Variants in TP53AIP1 observed in about 807,000 individuals in gnomAD.
The protein encoded by TP53AIP1 is tumor protein p53 regulated apoptosis inducing protein 1.
In TP53AIP1, 14 loss-of-function variants were observed where a neutral mutation model predicts 9.5. That is an observed-to-expected ratio of 1.47 (90% CI 0.97 to 2.30). TP53AIP1 has a LOEUF of 2.30. Among genes scored for constraint, TP53AIP1 ranks in the 30% most tolerant of loss-of-function variants. The pLI, the probability that TP53AIP1 is intolerant of heterozygous loss-of-function variation, is 0.00. For missense variants in TP53AIP1, 153 were observed against 146.7 expected, an observed-to-expected ratio of 1.04 and a Z score of -0.22; for synonymous variants, 73 against 61.2, an observed-to-expected ratio of 1.19 and a Z score of -0.90.
rs1402173999 is a variant in TP53AIP1 at position 128,937,088 on chromosome 11, G to A, written c.142-439C>T. 1.1e-5 allele frequency: 11 copies of A among 1,041,666 alleles called. No homozygotes were observed. The highest frequency in any genetic ancestry group is 1.7e-5 in the African/African-American group (1 of 59,078). 64.5% of individuals were successfully genotyped at this position (1,041,666 alleles called of 1,614,324 possible). A position where few individuals can be genotyped will look rare whatever the true frequency, so the allele number is the denominator to read the frequency against. ...CCAGGCCTGGCCTGTGTCTGCTTCC[G>A]GAGCCATGCGCTGCCTGTGCTGGGA... On this transcript the variant is annotated intron_variant, in intron 2 of 3. Transcript: ENST00000531399. The surrounding 1 kb of genome is among the most constrained non-coding windows in gnomAD (Gnocchi z 4.8).
intron 1 of TP53AIP1, among the ~76,000 whole-genome samples, chr11:128,941,642 C>T (rs980943255): frequency 1.7e-4 from 26 of 152,364 alleles, no homozygotes; most frequent in African/African-American, 6.3e-4. Context: ...GCCCCGGCTG[C>T]TGGGGGGACA....
chr11:128,940,780 C>G (rs141996284), intron 1 of TP53AIP1, among the ~76,000 whole-genome samples: 3 of 152,360 alleles, frequency 2.0e-5, no homozygotes, highest in Middle Eastern at 3.4e-3. Flanking sequence ...ACGGCGGCCA[C>G]GCTGGGTGCC....
At chr11:128,941,496 A>T (rs1944941239) in intron 1 of TP53AIP1, among the ~76,000 whole-genome samples, 1 of 152,160 alleles carries the variant, frequency 6.6e-6, no homozygotes, top group Non-Finnish European at 1.5e-5. Context: ...TCAGCCCCCA[A>T]CGCACCTTTC....
chr11:128,935,695 A>G lies in TP53AIP1; in HGVS notation c.271T>C (p.Ser91Pro), dbSNP rs755130715. 3.9e-5 allele frequency: 62 copies of G among 1,580,040 alleles called. No homozygotes were observed. The South Asian group carries it at 6.1e-4, about 15-fold the overall frequency. Residue 91 changes from serine to proline, a missense_variant, in exon 4 of 4, where the codon TCC (serine) becomes CCC (proline). Ser to Pro is a moderately conservative substitution (Grantham distance 74). Transcript: ENST00000531399. The part of the protein sequence containing the change: ...WILTGLGLGL[S>P]RPFLPGATVL... Reference sequence around the variant, plus strand: ...GTGGCTCCAGGAAGGAAAGGCCTGGAGAGACCTAGACCAAGGCCTCAGTAG... The same window carrying G: ...GTGGCTCCAGGAAGGAAAGGCCTGGGGAGACCTAGACCAAGGCCTCAGTAG...
At chr11:128,935,291 T>G, downstream of TP53AIP1, 1 of 1,425,322 alleles carries the variant, frequency 7.0e-7, no homozygotes, top group Non-Finnish European at 9.1e-7. Context: ...TACTTTTCCT[T>G]GCAGAGTTTT....
Position 128,935,501 on chromosome 11 carries a change from G to C in TP53AIP1, c.*90C>G, listed in dbSNP as rs1052252521. 5.5e-6 allele frequency: 8 copies of C among 1,450,578 alleles called. No individual in the cohort carries two copies. The East Asian group carries it at 1.3e-4, about 24-fold the overall frequency. 89.9% of individuals were successfully genotyped at this position (1,450,578 alleles called of 1,614,324 possible). A position where few individuals can be genotyped will look rare whatever the true frequency, so the allele number is the denominator to read the frequency against. ...CTAGTCAGCGCTGGAGCCATTTCTC[G>C]ACGGTGCTTTCTGTTTGTTTGTTTG... On this transcript the variant is annotated 3_prime_UTR_variant, in exon 4 of 4. Coordinates refer to ENST00000531399, the MANE Select transcript of TP53AIP1 (RefSeq NM_022112.3).
Position 128,935,599 on chromosome 11 carries a change from A to G in TP53AIP1, c.367T>C (p.Leu123=), listed in dbSNP as rs1944802542. The G allele has an allele frequency of 1.3e-6, 2 of 1,570,450 alleles. No individual in the cohort carries two copies. The highest frequency in any genetic ancestry group is 2.3e-5 in the East Asian group (1 of 43,810). Residue 123 remains leucine, a synonymous_variant, in exon 4 of 4, where the codon TTG becomes CTG. Coordinates refer to ENST00000531399, the MANE Select transcript of TP53AIP1 (RefSeq NM_022112.3). The stretch of plus-strand genomic sequence containing the variant: ...AGTGGCGTGATCTCGGCTCACTGCA[A>G]CCTCAACGGTGCTTTTTTCTGATCA... ...SYDQKKAPLR[L]Q
At position 128,937,517 on chromosome 11, in the gene TP53AIP1, C is replaced by T. The variant is rs1944851067; in HGVS notation, c.141+161G>A. 1.2e-6 allele frequency: 2 copies of T among 1,607,792 alleles called. No individual in the cohort carries two copies. Among genetic ancestry groups the T allele is most frequent in the Non-Finnish European group, 1.7e-6 (2 of 1,176,136 alleles). ...TCAGTTCCCAGCTCTGTCCAATGCT[C>T]TGAACTGGGGACAGTCCGCATGCAG... On this transcript the variant is annotated intron_variant, in intron 2 of 3. Transcript: ENST00000531399. The surrounding 1 kb of genome is among the most constrained non-coding windows in gnomAD (Gnocchi z 4.8).
chr11:128,935,080 C>T (rs149959786), downstream of TP53AIP1: 784 of 705,320 alleles, frequency 1.1e-3, 3 homozygotes, highest in Non-Finnish European at 1.8e-3. Flanking sequence ...CTATCAATGC[C>T]GGGGCTTGTG....
chr11:128,935,344 A>G (rs1944791301), downstream of TP53AIP1: 41 of 1,417,028 alleles, frequency 2.9e-5, 1 homozygote, highest in South Asian at 6.3e-4. Context: ...TGGATATTAT[A>G]GATTGGAATG....
At chr11:128,940,340 A>G (rs1371675738) in intron 1 of TP53AIP1, among the ~76,000 whole-genome samples, 1 of 152,204 alleles carries the variant, frequency 6.6e-6, no homozygotes, top group African/African-American at 2.4e-5. Context: ...TCTCAGGCAG[A>G]AGCAGCCTTA....
intron 2 of TP53AIP1, chr11:128,936,970 C>T: frequency 8.9e-7 from 1 of 1,125,232 alleles, no homozygotes; most frequent in East Asian, 6.0e-5. Flanking sequence ...CACCTGGGCC[C>T]TGCACCTCAG....
chr11:128,937,265 C>G lies in TP53AIP1; in HGVS notation c.141+413G>C. The G allele has an allele frequency of 7.7e-7, 1 of 1,303,056 alleles. No homozygotes were observed. The highest frequency in any genetic ancestry group is 9.7e-7 in the Non-Finnish European group (1 of 1,027,680). The allele number at this position is 1,303,056 out of a possible 1,614,324, so 80.7% of individuals were successfully genotyped here. A position where few individuals can be genotyped will look rare whatever the true frequency, so the allele number is the denominator to read the frequency against. On this transcript the variant is annotated intron_variant, in intron 2 of 3. Coordinates refer to ENST00000531399, the MANE Select transcript of TP53AIP1 (RefSeq NM_022112.3). The surrounding 1 kb of genome is among the most constrained non-coding windows in gnomAD (Gnocchi z 4.8). ...GGACAAAAGCAGGATCCGGGGTGGA[C>G]GCAGAAGAGCAGGCCCGGAGCCCTG... is the stretch of plus-strand genomic sequence containing the variant.
chr11:128,935,794 G>T lies in TP53AIP1; in HGVS notation c.254-82C>A, dbSNP rs542556537. ...TACCAAATATCATGTTACAGACCAGGGATAAAAACAACAATAATGAATTTC... is the reference window on the plus strand; with the variant it reads ...TACCAAATATCATGTTACAGACCAGTGATAAAAACAACAATAATGAATTTC... On this transcript the variant is annotated intron_variant, in intron 3 of 3. Transcript: ENST00000531399. 5 of 1,392,080 alleles carry T rather than the reference G, an allele frequency of 3.6e-6. No homozygotes were observed. The African/African-American group carries it at 7.3e-5, about 20-fold the overall frequency. 86.2% of individuals were successfully genotyped at this position (1,392,080 alleles called of 1,614,324 possible). A position where few individuals can be genotyped will look rare whatever the true frequency, so the allele number is the denominator to read the frequency against.
chr11:128,935,116 T>G, downstream of TP53AIP1: 1 of 713,078 alleles, frequency 1.4e-6, no homozygotes, highest in South Asian at 1.5e-5. Flanking sequence ...CAGGAATGAC[T>G]GTCCACTGCA....
chr11:128,937,454 A>C lies in TP53AIP1; in HGVS notation c.141+224T>G, dbSNP rs368620863. Reference sequence around the variant, plus strand: ...GAAACCCAGGATTCCGAGGAGGAGGAGGGCTGGCCTTCCTCTTGGGACTAT... The same window carrying C: ...GAAACCCAGGATTCCGAGGAGGAGGCGGGCTGGCCTTCCTCTTGGGACTAT... On this transcript the variant is annotated intron_variant, in intron 2 of 3. Transcript: ENST00000531399. This position sits in a 1 kb window ranked among gnomAD's most constrained non-coding sequence, Gnocchi z 4.8. The C allele has an allele frequency of 1.0e-4, 151 of 1,501,476 alleles. No individual in the cohort carries two copies. In the African/African-American group the frequency reaches 2.0e-3, roughly 20 times the overall value. 93.0% of individuals were successfully genotyped at this position (1,501,476 alleles called of 1,614,324 possible).
chr11:128,936,752 G>A, intron 2 of TP53AIP1, 103 bp from the exon 3 acceptor site: 28 of 1,457,004 alleles, frequency 1.9e-5, no homozygotes, highest in Non-Finnish European at 2.5e-5. Flanking sequence ...GGCATCCAGG[G>A]GCATTTCACC....
chr11:128,934,897 T>G (rs895201417), downstream of TP53AIP1: 5 of 680,848 alleles, frequency 7.3e-6, no homozygotes, highest in Middle Eastern at 3.3e-4. Flanking sequence ...ATGTAGACTA[T>G]GGCTCAGCTG....
At chr11:128,936,708 T>C in intron 2 of TP53AIP1, 59 bp from the exon 3 acceptor site, 1 of 1,515,708 alleles carries the variant, frequency 6.6e-7, no homozygotes, top group Non-Finnish European at 8.8e-7. Flanking sequence ...GGATGGTTTA[T>C]TCTTCTCTGG....
Sources: allele counts gnomAD v4.1 joint callset (sites outside exome capture counted in the v4.1 genomes callset), GRCh38; gene constraint gnomAD v4.1.1; non-coding constraint Gnocchi (gnomAD v3.1); transcripts MANE v1.5; gene names NCBI Gene and HGNC (gene_info 2026-07-23, HGNC 2026-07-21).